The following PTPRM variants were observed in gnomAD, a reference collection of about 807,000 sequenced individuals.
PTPRM encodes protein tyrosine phosphatase receptor type M.
Under a neutral mutation model 186.7 loss-of-function variants are expected in PTPRM, and 47 were observed. The observed-to-expected ratio is 0.25, with a 90% confidence interval of 0.20 to 0.32. The LOEUF (loss-of-function observed/expected upper bound fraction) is 0.32, where lower values mean the gene tolerates loss of function less well. Among genes scored for constraint, PTPRM ranks in the 10% least tolerant of loss-of-function variants. PTPRM has a pLI of 1.00. For synonymous variants in PTPRM, 668 were observed against 674.9 expected, an observed-to-expected ratio of 0.99 and a Z score of 0.16; for missense variants, 1,494 against 1,865.0, an observed-to-expected ratio of 0.80 and a Z score of 3.66.
intron 19 of PTPRM, among the ~76,000 whole-genome samples, chr18:8,282,545 C>T (rs956338578): frequency 6.6e-6 from 1 of 152,026 alleles, no homozygotes; most frequent in African/African-American, 2.4e-5. Flanking sequence ...GCCTGTAATC[C>T]CAGTTACTAG....
At chr18:7,760,335 C>T (rs546609401) in intron 1 of PTPRM, among the ~76,000 whole-genome samples, 1 of 152,252 alleles carries the variant, frequency 6.6e-6, no homozygotes, top group Admixed American at 6.5e-5. Context: ...GGGAATATTA[C>T]CTTAGAGATA....
At chr18:8,209,149 A>G (rs1241334979) in intron 14 of PTPRM, among the ~76,000 whole-genome samples, 1 of 152,164 alleles carries the variant, frequency 6.6e-6, no homozygotes, top group Non-Finnish European at 1.5e-5. Context: ...CTACTGTAGA[A>G]CAGAAGAGTT....
intron 1 of PTPRM, among the ~76,000 whole-genome samples, chr18:7,693,753 A>G (rs561297755): frequency 1.3e-5 from 2 of 152,232 alleles, no homozygotes; most frequent in African/African-American, 4.8e-5. Context: ...ACTTAAGGAA[A>G]ATCTGGGAAG....
intron 2 of PTPRM, among the ~76,000 whole-genome samples, chr18:7,834,755 T>TA (rs755355397): frequency 6.6e-6 from 1 of 151,870 alleles, no homozygotes. Flanking sequence ...TTTTCTTTAC[T>TA]ATAAGGCTTT....
chr18:8,221,286 T>C (rs1466802841), intron 14 of PTPRM, among the ~76,000 whole-genome samples: 1 of 152,216 alleles, frequency 6.6e-6, no homozygotes, highest in Non-Finnish European at 1.5e-5. Context: ...TGGTTTCACA[T>C]GCCGTCTATC....
chr18:8,014,513 G>T (rs1049930092), intron 7 of PTPRM, among the ~76,000 whole-genome samples: 4 of 152,128 alleles, frequency 2.6e-5, no homozygotes, highest in African/African-American at 9.7e-5. Flanking sequence ...AGTGTTATAA[G>T]ATAATTAGAA....
intron 2 of PTPRM, among the ~76,000 whole-genome samples, chr18:7,866,355 T>C (rs2047695129): frequency 6.6e-6 from 1 of 152,210 alleles, no homozygotes; most frequent in Admixed American, 6.5e-5. Context: ...AACACTGCTT[T>C]ATCTGTGTCC....
intron 1 of PTPRM, among the ~76,000 whole-genome samples, chr18:7,660,139 C>A (rs2038945125): frequency 1.3e-5 from 2 of 152,080 alleles, no homozygotes; most frequent in South Asian, 4.2e-4. Context: ...TAGTTCAAGA[C>A]CAGCCTGGCC....
At chr18:8,314,370 C>A (rs2095292555) in intron 20 of PTPRM, among the ~76,000 whole-genome samples, 1 of 152,146 alleles carries the variant, frequency 6.6e-6, no homozygotes, top group Admixed American at 6.5e-5. Context: ...ATCCCAGAAG[C>A]CTGCACCGTG....
chr18:8,371,216 T>C (rs2095660903), intron 24 of PTPRM, among the ~76,000 whole-genome samples: 1 of 152,258 alleles, frequency 6.6e-6, no homozygotes, highest in Non-Finnish European at 1.5e-5. Context: ...CATAAGAATC[T>C]ATATTTTGCA....
chr18:7,906,704 GCCTGT>G (rs1284223596), intron 4 of PTPRM, 121 bp downstream of exon 4: 30 of 777,504 alleles, frequency 3.9e-5, no homozygotes, highest in Non-Finnish European at 5.5e-5. Flanking sequence ...TCCCTGACAG[GCCTGT>G]ATTGTTGGTT....
chr18:7,999,630 A>G (rs911234772), intron 7 of PTPRM, among the ~76,000 whole-genome samples: 1 of 151,720 alleles, frequency 6.6e-6, no homozygotes, highest in African/African-American at 2.4e-5. Flanking sequence ...TTGGTGCAAA[A>G]TTGACAATGG....
chr18:8,155,731 T>C (rs2093107169), intron 14 of PTPRM, among the ~76,000 whole-genome samples: 1 of 152,226 alleles, frequency 6.6e-6, no homozygotes, highest in Non-Finnish European at 1.5e-5. Flanking sequence ...GCCTGCAGCA[T>C]GCAGCCGGAG....
Position 7,938,642 on chromosome 18 carries a change from T to C in PTPRM, c.664-10539T>C, listed in dbSNP as rs150797981. 1.9e-3 allele frequency among the ~76,000 whole-genome samples: 292 copies of C among 152,352 alleles called. 1 individual carries two copies. Among genetic ancestry groups the C allele is most frequent in the South Asian group, 4.1e-3 (20 of 4,826 alleles). On this transcript the variant is annotated intron_variant, in intron 5 of 32. Transcript: ENST00000580170. ...TAGTTACTGCATTTATTAGGTATAT[T>C]CTATATTATTTGGATTAACTTCTAG...
rs1056535823 is a variant in PTPRM at position 8,009,375 on chromosome 18, C to T, written c.1132+53961C>T. Among the ~76,000 whole-genome samples, 6 of 150,514 alleles carry T rather than the reference C, an allele frequency of 4.0e-5. No homozygotes were observed. The East Asian group carries it at 5.9e-4, about 15-fold the overall frequency. ...CTGAAAGAGCCCATTACCTACTTAA[C>T]TTGGAGTCCTGATTTTTCCAGCAAC... On this transcript the variant is annotated intron_variant, in intron 7 of 32. Coordinates refer to ENST00000580170, the MANE Select transcript of PTPRM (RefSeq NM_001105244.2).
intron 23 of PTPRM, among the ~76,000 whole-genome samples, chr18:8,348,177 C>T (rs572257023): frequency 6.6e-6 from 1 of 152,388 alleles, no homozygotes; most frequent in East Asian, 1.9e-4. Context: ...GTCCTTCATG[C>T]ATTAAGCATG....
chr18:8,343,047 G>T lies in PTPRM; in HGVS notation c.2957-376G>T, dbSNP rs78841959. On this transcript the variant is annotated intron_variant, in intron 22 of 32. Coordinates refer to ENST00000580170, the MANE Select transcript of PTPRM (RefSeq NM_001105244.2). Reference sequence around the variant, plus strand: ...ATTTCATTCTATATACCACTTCCCTGGGATATCTGCTAATTGTTAGCAGAA... The same window carrying T: ...ATTTCATTCTATATACCACTTCCCTTGGATATCTGCTAATTGTTAGCAGAA... 7.6e-3 allele frequency among the ~76,000 whole-genome samples: 1,160 copies of T among 152,210 alleles called. 23 individuals carry two copies. The highest frequency in any genetic ancestry group is 0.027 in the African/African-American group (1,102 of 41,510).
rs141951974 is a variant in PTPRM, at chr18:7,846,301, G to C, written c.197-41805G>C. On this transcript the variant is annotated intron_variant, in intron 2 of 32. Transcript: ENST00000580170. ...ATTACATACAGCAGTGGTGTTTTTG[G>C]TTGATTTGTTTTTGTTTCTAAATAA... Among the ~76,000 whole-genome samples, 12 of 152,296 alleles carry C rather than the reference G, an allele frequency of 7.9e-5. 1 individual carries two copies. The South Asian group carries it at 2.5e-3, about 32-fold the overall frequency.
At position 8,021,315 on chromosome 18, in the gene PTPRM, GAGACAC is replaced by G. The variant is rs1396793879; in HGVS notation, c.1133-48369_1133-48364del. 1.2e-3 allele frequency among the ~76,000 whole-genome samples: 122 copies of G among 99,222 alleles called. 1 individual carries two copies. Among genetic ancestry groups the G allele is most frequent in the African/African-American group, 1.6e-3 (36 of 23,190 alleles). 65.1% of individuals were successfully genotyped at this position (99,222 alleles called of 152,430 possible). On this transcript the variant is annotated intron_variant, in intron 7 of 32. Coordinates refer to ENST00000580170, the MANE Select transcript of PTPRM (RefSeq NM_001105244.2). ...AAGTGATTTGTGCTTAAGCATAAAA[GAGACAC>G]ACACACACACACACACACACACACA... is the stretch of plus-strand genomic sequence containing the variant.
Sources: gnomAD v4.1 joint callset for allele counts (sites outside exome capture counted in the v4.1 genomes callset) on GRCh38, gnomAD v4.1.1 for gene constraint, MANE v1.5 for transcripts, NCBI Gene and HGNC (gene_info 2026-07-23, HGNC 2026-07-21) for gene names.